Variants in LIPM observed in about 807,000 individuals in gnomAD.
LIPM encodes the protein lipase family member M.
Under a neutral mutation model 42.4 loss-of-function variants are expected in LIPM, and 42 were observed. The ratio of observed to expected loss-of-function variants is 0.99; its 90% CI spans 0.77 to 1.28. LIPM has a LOEUF of 1.28. Among genes scored for constraint, LIPM ranks in the 50% most tolerant of loss-of-function variants. LIPM has a pLI of 0.00. For missense variants in LIPM, 524 were observed against 520.1 expected, an observed-to-expected ratio of 1.01 and a Z score of -0.07; for synonymous variants, 177 against 173.3, an observed-to-expected ratio of 1.02 and a Z score of -0.17.
At chr10:88,809,940 G>C (rs1467868184) in intron 2 of LIPM, among the ~76,000 whole-genome samples, 1 of 152,138 alleles carries the variant, frequency 6.6e-6, no homozygotes, top group Non-Finnish European at 1.5e-5. Context: ...CTTTATCAGA[G>C]TTCTTCCCTG....
intron 2 of LIPM, among the ~76,000 whole-genome samples, chr10:88,808,997 C>G (rs1843622561): frequency 6.8e-6 from 1 of 146,114 alleles, no homozygotes; most frequent in Non-Finnish European, 1.5e-5. Flanking sequence ...ACTTGTTGCC[C>G]AGGCTGGAGT....
intron 2 of LIPM, among the ~76,000 whole-genome samples, chr10:88,809,186 C>G (rs911567680): frequency 2.6e-5 from 4 of 151,990 alleles, no homozygotes; most frequent in African/African-American, 9.7e-5. Context: ...AACTCCCGAC[C>G]TCAGGTGATC....
intron 4 of LIPM, 40 bp downstream of exon 4, chr10:88,814,679 A>G (rs1177824334): frequency 7.0e-7 from 1 of 1,423,248 alleles, no homozygotes. Context: ...CTCGGAAGAA[A>G]TGTGAGCATA....
intron 6 of LIPM, 50 bp downstream of exon 6, chr10:88,815,553 T>A (rs952335496): frequency 6.6e-7 from 1 of 1,507,666 alleles, no homozygotes; most frequent in African/African-American, 1.4e-5. Context: ...AAGCTGGGAG[T>A]CATATGGCTC....
chr10:88,806,842 G>T (rs754317425), intron 1 of LIPM, among the ~76,000 whole-genome samples: 1 of 151,878 alleles, frequency 6.6e-6, no homozygotes, highest in South Asian at 2.1e-4. Context: ...GCACCACCAC[G>T]CCCGGCTAAT....
chr10:88,814,582 C>T lies in LIPM; in HGVS notation c.517C>T (p.Gln173Ter). The change falls in exon 4 of 9, where the codon CAG becomes TAG. Residue 173 changes from glutamine to a stop codon, truncating the protein, a stop_gained. Coordinates refer to ENST00000404743, the MANE Select transcript of LIPM (RefSeq NM_001128215.1). LOFTEE classifies it high-confidence loss of function. ...TCCTGCAGTGATAAACTTTATTTTGCAGAAAACGGGCCAGGAAAAGATCTA... is the reference window on the plus strand; with the variant it reads ...TCCTGCAGTGATAAACTTTATTTTGTAGAAAACGGGCCAGGAAAAGATCTA... ...DLPAVINFIL[Q>*]KTGQEKIYYV... 6.4e-7 allele frequency: 1 copy of T among 1,551,766 alleles called. No individual in the cohort carries two copies. Among genetic ancestry groups the T allele is most frequent in the Non-Finnish European group, 8.7e-7 (1 of 1,146,938 alleles).
chr10:88,808,399 G>A lies in LIPM; in HGVS notation c.249G>A (p.Val83=), dbSNP rs375682175. The A allele has an allele frequency of 2.7e-4, 424 of 1,549,586 alleles. 1 individual carries two copies. The African/African-American group carries it at 5.1e-3, about 19-fold the overall frequency. The change falls in exon 2 of 9, where the codon GTG becomes GTA. Residue 83 remains valine, a synonymous_variant. Transcript: ENST00000404743. ...LSVNRIPRGL[V]QPKKTGSRPV... is the part of the protein sequence containing the mutation. Reference sequence around the variant, plus strand: ...TTAACAGGATTCCTCGAGGCCTAGTGCAACCTAAGAAGACAGGTGTGGGTC... The same window carrying A: ...TTAACAGGATTCCTCGAGGCCTAGTACAACCTAAGAAGACAGGTGTGGGTC...
At chr10:88,813,015 T>G in intron 2 of LIPM, 82 bp from the exon 3 acceptor site, 2 of 1,200,156 alleles carry the variant, frequency 1.7e-6, no homozygotes, top group Non-Finnish European at 2.4e-6. Flanking sequence ...CAGGTTTGTT[T>G]GATTTGAAAG....
intron 4 of LIPM, 93 bp downstream of exon 4, chr10:88,814,732 C>A: frequency 1.1e-6 from 1 of 914,882 alleles, no homozygotes; most frequent in South Asian, 1.5e-5. Context: ...GTGCTTCCTT[C>A]AGACCTGCTC....
In LIPM at chr10:88,820,352, C is replaced by T. The variant is rs1435061398; in HGVS notation, c.1123C>T (p.Leu375Phe). 1.9e-6 allele frequency: 3 copies of T among 1,552,302 alleles called. No homozygotes were observed. The South Asian group carries it at 3.6e-5, about 18-fold the overall frequency. Reference sequence around the variant, plus strand: ...AATGCTGCTCTCTGAGGTGACCAACCTCATCTACCATAAGAATATTCCTGA... The same window carrying T: ...AATGCTGCTCTCTGAGGTGACCAACTTCATCTACCATAAGAATATTCCTGA... The part of the protein sequence containing the change: ...VKMLLSEVTN[L>F]IYHKNIPEWA... The change falls in exon 9 of 9, where the codon CTC (leucine) becomes TTC (phenylalanine). Residue 375 changes from leucine (L) to phenylalanine (F), a missense_variant. Transcript: ENST00000404743.
At chr10:88,813,589 G>A (rs1368000502) in intron 3 of LIPM, among the ~76,000 whole-genome samples, 4 of 137,802 alleles carry the variant, frequency 2.9e-5, no homozygotes, top group South Asian at 4.7e-4. Flanking sequence ...GGGGAGGGGC[G>A]GGTAATAGTA....
chr10:88,820,046 A>G (rs148834631), intron 8 of LIPM, among the ~76,000 whole-genome samples, 186 bp from the exon 9 acceptor site: 39 of 152,342 alleles, frequency 2.6e-4, no homozygotes, highest in African/African-American at 5.0e-4. Context: ...GAGGTTCAAT[A>G]ATGTTAAGTA....
At chr10:88,806,034 C>A (rs575494982) in intron 1 of LIPM, 1 of 455,930 alleles carries the variant, frequency 2.2e-6, no homozygotes, top group African/African-American at 2.0e-5. Flanking sequence ...CAGGAAGGGA[C>A]GTGAACTTGG....
Position 88,815,166 on chromosome 10 carries a change from T to C in LIPM, c.653T>C (p.Val218Ala). The C allele has an allele frequency of 6.4e-7, 1 of 1,551,988 alleles. No individual in the cohort carries two copies. The highest frequency in any genetic ancestry group is 8.7e-7 in the Non-Finnish European group (1 of 1,147,030). Reference sequence around the variant, plus strand: ...TTTGCTTTAGCACCCATAGCCACTGTTAAGCATGCAAAAAGCCCCGGGACC... The same window carrying C: ...TTTGCTTTAGCACCCATAGCCACTGCTAAGCATGCAAAAAGCCCCGGGACC... The part of the protein sequence containing the change: ...MYFALAPIAT[V>A]KHAKSPGTKF... The change falls in exon 5 of 9, where the codon GTT (valine) becomes GCT (alanine). Residue 218 changes from valine to alanine, a missense_variant. Physicochemically the swap from Val to Ala is moderately conservative, Grantham distance 64. Transcript: ENST00000404743.
intron 1 of LIPM, among the ~76,000 whole-genome samples, chr10:88,807,741 A>G (rs1228540769): frequency 1.3e-5 from 2 of 152,338 alleles, no homozygotes; most frequent in East Asian, 3.9e-4. Flanking sequence ...AGAACTGGAA[A>G]GAACCTTAGG....
intron 3 of LIPM, among the ~76,000 whole-genome samples, 188 bp from the exon 4 acceptor site, chr10:88,814,342 C>T (rs1382942340): frequency 6.6e-6 from 1 of 152,122 alleles, no homozygotes; most frequent in Non-Finnish European, 1.5e-5. Flanking sequence ...TTGCTGACAG[C>T]CTGTGACTCC....
intron 1 of LIPM, among the ~76,000 whole-genome samples, chr10:88,807,031 A>G (rs1843597483): frequency 6.6e-6 from 1 of 152,194 alleles, no homozygotes; most frequent in African/African-American, 2.4e-5. Flanking sequence ...TGTCTCACAC[A>G]CATACATGCA....
chr10:88,809,855 A>G (rs996109950), intron 2 of LIPM, among the ~76,000 whole-genome samples: 1 of 152,070 alleles, frequency 6.6e-6, no homozygotes, highest in Non-Finnish European at 1.5e-5. Context: ...AGTGTCTTTG[A>G]ACTTAAATTT....
chr10:88,806,499 T>C (rs1382315498), intron 1 of LIPM, among the ~76,000 whole-genome samples: 1 of 152,164 alleles, frequency 6.6e-6, no homozygotes, highest in Admixed American at 6.6e-5. Context: ...CCCCAAATAG[T>C]TGACAACAGT....
Sources: allele counts gnomAD v4.1 joint callset (sites outside exome capture counted in the v4.1 genomes callset), GRCh38; gene constraint gnomAD v4.1.1; transcripts MANE v1.5; gene names NCBI Gene and HGNC (gene_info 2026-07-23, HGNC 2026-07-21).